Variants in ZFP90 observed in about 807,000 individuals in gnomAD.
ZFP90 encodes ZFP90 zinc finger protein, also known as zinc finger protein 90 homolog.
Under a neutral mutation model 60.8 loss-of-function variants are expected in ZFP90, and 38 were observed. That is an observed-to-expected ratio of 0.62 (90% CI 0.48 to 0.82). ZFP90 has a LOEUF of 0.82. Ranked by LOEUF, ZFP90 falls within the 40% of genes least tolerant of loss-of-function variation. The probability of loss-of-function intolerance (pLI) is 0.00; values close to 1 mark genes in which losing one functional copy is unlikely to be tolerated. For synonymous variants in ZFP90, 287 were observed against 264.8 expected, an observed-to-expected ratio of 1.08 and a Z score of -0.82; for missense variants, 711 against 759.1, an observed-to-expected ratio of 0.94 and a Z score of 0.74.
intron 4 of ZFP90, among the ~76,000 whole-genome samples, chr16:68,559,652 C>T (rs1364994905): frequency 6.6e-6 from 1 of 151,988 alleles, no homozygotes; most frequent in African/African-American, 2.4e-5. Flanking sequence ...ACTGCAGTCT[C>T]TGCCTCCCGG....
intron 1 of ZFP90, 73 bp downstream of exon 1, chr16:68,539,552 G>A (rs931129807): frequency 4.0e-6 from 2 of 506,146 alleles, no homozygotes; most frequent in Non-Finnish European, 6.9e-6. Flanking sequence ...ACCCTGCGAA[G>A]GGGACTGGGC....
chr16:68,563,784 A>C lies in ZFP90; in HGVS notation c.997A>C (p.Thr333Pro). Residue 333 changes from threonine to proline, a missense_variant, in exon 5 of 5, where the codon ACT becomes CCT. By Grantham distance (38) the Thr-to-Pro change is conservative. Around this residue, in one of 5 missense-constraint regions of ZFP90, gnomAD observed 146 missense variants for 201.4 expected, o/e 0.73. Coordinates refer to ENST00000563169, the MANE Select transcript of ZFP90 (RefSeq NM_001305203.2). ...SSLVQHQRIH[T>P]GEKPYRCNLC... is the part of the protein sequence containing the mutation. Reference sequence around the variant, plus strand: ...CCTTGTTCAACACCAGCGAATTCACACTGGAGAGAAACCCTATCGATGTAA... The same window carrying C: ...CCTTGTTCAACACCAGCGAATTCACCCTGGAGAGAAACCCTATCGATGTAA... 1.2e-6 allele frequency: 2 copies of C among 1,614,122 alleles called. 1 individual carries two copies. The highest frequency in any genetic ancestry group is 4.5e-5 in the East Asian group (2 of 44,882).
At chr16:68,551,579 C>T (rs1049408687) in intron 2 of ZFP90, among the ~76,000 whole-genome samples, 3 of 151,792 alleles carry the variant, frequency 2.0e-5, no homozygotes, top group East Asian at 3.9e-4. Flanking sequence ...CCCGCCACCA[C>T]GTCCAGCTAA....
At chr16:68,547,783 TA>T (rs2091176386) in intron 2 of ZFP90, among the ~76,000 whole-genome samples, 1 of 151,956 alleles carries the variant, frequency 6.6e-6, no homozygotes, top group African/African-American at 2.4e-5. Context: ...AATGCTGGGA[TA>T]AAATTCCACT....
chr16:68,534,979 C>T (rs533396795), upstream of ZFP90, among the ~76,000 whole-genome samples: 12 of 152,092 alleles, frequency 7.9e-5, no homozygotes, highest in Admixed American at 1.3e-4. Context: ...CTGACAACTC[C>T]CTATATTTGA....
chr16:68,552,131 G>C (rs1369302175), intron 2 of ZFP90, among the ~76,000 whole-genome samples: 2 of 152,182 alleles, frequency 1.3e-5, no homozygotes, highest in African/African-American at 4.8e-5. Flanking sequence ...GCAGCTATCT[G>C]CAAGGTGTTA....
chr16:68,562,924 A>G (rs1487924872), intron 4 of ZFP90, 120 bp from the exon 5 acceptor site: 7 of 1,548,608 alleles, frequency 4.5e-6, no homozygotes, highest in Non-Finnish European at 4.4e-6. Flanking sequence ...TCTTCTCAGG[A>G]TACAGGAGTA....
chr16:68,560,333 T>C (rs2091417597), intron 4 of ZFP90, among the ~76,000 whole-genome samples: 1 of 152,198 alleles, frequency 6.6e-6, no homozygotes, highest in Non-Finnish European at 1.5e-5. Flanking sequence ...TAATTTCTAT[T>C]TCTATGGATT....
intron 2 of ZFP90, among the ~76,000 whole-genome samples, chr16:68,545,675 C>A (rs1184173050): frequency 6.6e-6 from 1 of 152,048 alleles, no homozygotes; most frequent in African/African-American, 2.4e-5. Context: ...ATTAGCCAGG[C>A]ATGGTGGCCG....
intron 4 of ZFP90, 171 bp from the exon 5 acceptor site, chr16:68,562,873 G>A (rs2091458296): frequency 1.2e-5 from 18 of 1,451,916 alleles, no homozygotes; most frequent in Middle Eastern, 2.4e-4. Flanking sequence ...TGCAGTCTTT[G>A]CTATCATTTC....
upstream of ZFP90, among the ~76,000 whole-genome samples, chr16:68,538,773 C>G (rs1017980392): frequency 6.6e-6 from 1 of 151,894 alleles, no homozygotes; most frequent in African/African-American, 2.4e-5. Context: ...TAAGGGGATA[C>G]GAAGTAATGA....
chr16:68,561,083 C>G (rs2091433671), intron 4 of ZFP90, among the ~76,000 whole-genome samples: 1 of 151,854 alleles, frequency 6.6e-6, no homozygotes, highest in Non-Finnish European at 1.5e-5. Flanking sequence ...TTAATAGAGA[C>G]AGGGTTTCAC....
chr16:68,574,107 C>G (rs988298497), intron 2 of ZFP90: 4 of 151,914 alleles, frequency 2.6e-5, no homozygotes, highest in Non-Finnish European at 5.9e-5. Flanking sequence ...CTGACCTTTG[C>G]CAGATGGCAG....
chr16:68,566,939 A>G lies in ZFP90; in HGVS notation c.*2241A>G. ...GGTGCTTGGCCTAGATCCAGCCACCACTCTGAAACTCAGCACATCTTCATT... is the reference window on the plus strand; with the variant it reads ...GGTGCTTGGCCTAGATCCAGCCACCGCTCTGAAACTCAGCACATCTTCATT... On this transcript the variant is annotated 3_prime_UTR_variant, in exon 5 of 5. Transcript: ENST00000563169. 4.1e-6 allele frequency: 4 copies of G among 985,546 alleles called. No individual in the cohort carries two copies. The highest frequency in any genetic ancestry group is 4.8e-6 in the Non-Finnish European group (4 of 829,952). The allele number at this position is 985,546 out of a possible 1,614,324, so 61.1% of individuals were successfully genotyped here.
chr16:68,543,575 T>TG (rs903246269), intron 2 of ZFP90, among the ~76,000 whole-genome samples: 2 of 151,950 alleles, frequency 1.3e-5, no homozygotes, highest in Admixed American at 1.3e-4. Context: ...TCTTTTTTTT[T>TG]TTTTGAGACA....
Position 68,566,619 on chromosome 16 carries a change from A to G in ZFP90, c.*1921A>G. 9.1e-6 allele frequency: 9 copies of G among 985,594 alleles called. No individual in the cohort carries two copies. Among genetic ancestry groups the G allele is most frequent in the Non-Finnish European group, 1.1e-5 (9 of 829,936 alleles). 61.1% of individuals were successfully genotyped at this position (985,594 alleles called of 1,614,324 possible). A position where few individuals can be genotyped will look rare whatever the true frequency, so the allele number is the denominator to read the frequency against. ...GATCTGCCCTTCTGAGATGCTGACCATCCAAAACACCTTGTTTATGGTGCA... is the reference window on the plus strand; with the variant it reads ...GATCTGCCCTTCTGAGATGCTGACCGTCCAAAACACCTTGTTTATGGTGCA... On this transcript the variant is annotated 3_prime_UTR_variant, in exon 5 of 5. Coordinates refer to ENST00000563169, the MANE Select transcript of ZFP90 (RefSeq NM_001305203.2).
downstream of ZFP90, among the ~76,000 whole-genome samples, chr16:68,572,101 G>T (rs968917556): frequency 6.6e-6 from 1 of 151,978 alleles, no homozygotes; most frequent in East Asian, 1.9e-4. Context: ...AAACTCCTGG[G>T]CTCAAGTGAT....
chr16:68,555,576 T>G (rs765722438), intron 2 of ZFP90, among the ~76,000 whole-genome samples: 3 of 152,156 alleles, frequency 2.0e-5, no homozygotes, highest in African/African-American at 4.8e-5. Context: ...GACAATGGTG[T>G]TGTAGAATTT....
At chr16:68,543,001 A>C (rs2091079395) in intron 2 of ZFP90, among the ~76,000 whole-genome samples, 1 of 152,138 alleles carries the variant, frequency 6.6e-6, no homozygotes, top group Admixed American at 6.5e-5. Flanking sequence ...GAGGGAAAAA[A>C]GGTAGAGAAA....
Sources: gnomAD v4.1 joint callset for allele counts (sites outside exome capture counted in the v4.1 genomes callset) on GRCh38, gnomAD v4.1.1 for gene constraint, gnomAD v4.1.1 regional missense constraint, MANE v1.5 for transcripts, NCBI Gene and HGNC (gene_info 2026-07-23, HGNC 2026-07-21) for gene names.